Variants in LPAR1 observed in about 807,000 individuals in gnomAD.
LPAR1 encodes the protein lysophosphatidic acid receptor 1.
LPAR1 carries 5 observed loss-of-function variants against 23.8 expected under a neutral mutation model. That is an observed-to-expected ratio of 0.21 (90% CI 0.11 to 0.44). The LOEUF (loss-of-function observed/expected upper bound fraction) is 0.44. Ranked by LOEUF, LPAR1 falls within the 20% of genes least tolerant of loss-of-function variation. The probability of loss-of-function intolerance (pLI) is 0.99; values close to 1 mark genes in which losing one functional copy is unlikely to be tolerated. For missense variants in LPAR1, 311 were observed against 482.8 expected (o/e 0.64, Z 3.33); for synonymous variants, 160 against 164.7 (o/e 0.97, Z 0.22).
intron 5 of LPAR1, among the ~76,000 whole-genome samples, chr9:110,901,230 AAGG>A (rs2088813504): frequency 6.6e-6 from 1 of 152,208 alleles, no homozygotes; most frequent in African/African-American, 2.4e-5. Flanking sequence ...AAGAAGGCAG[AAGG>A]AGAAGTCGTG....
At chr9:110,929,820 A>G (rs775949825) in intron 5 of LPAR1, among the ~76,000 whole-genome samples, 1 of 152,130 alleles carries the variant, frequency 6.6e-6, no homozygotes, top group Non-Finnish European at 1.5e-5. Context: ...GTTTTTTAGT[A>G]TAAGTATATC....
intron 2 of LPAR1, among the ~76,000 whole-genome samples, chr9:110,994,488 T>G (rs1247080435): frequency 1.3e-5 from 2 of 152,224 alleles, no homozygotes; most frequent in African/African-American, 4.8e-5. Context: ...TTTGTGACTA[T>G]GTTGAAGAAT....
At chr9:110,939,130 C>G (rs1341935109) in intron 5 of LPAR1, among the ~76,000 whole-genome samples, 3 of 152,206 alleles carry the variant, frequency 2.0e-5, no homozygotes, top group Non-Finnish European at 2.9e-5. Context: ...CAACCCATGT[C>G]TCCCATGTAA....
intron 5 of LPAR1, among the ~76,000 whole-genome samples, chr9:110,904,266 T>C (rs2090444824): frequency 6.6e-6 from 1 of 152,134 alleles, no homozygotes; most frequent in Non-Finnish European, 1.5e-5. Flanking sequence ...ATGATCCTCC[T>C]CATGAGTTTC....
chr9:110,973,145 T>G (rs1280670882), intron 3 of LPAR1, among the ~76,000 whole-genome samples: 2 of 152,122 alleles, frequency 1.3e-5, no homozygotes, highest in African/African-American at 2.4e-5. Flanking sequence ...TTGTGAATTG[T>G]TTGTTTCTGA....
intron 5 of LPAR1, among the ~76,000 whole-genome samples, chr9:110,940,590 T>C (rs1234426550): frequency 6.6e-6 from 1 of 152,204 alleles, no homozygotes; most frequent in East Asian, 1.9e-4. Flanking sequence ...TATAATTCCA[T>C]TGGGTAATTA....
chr9:110,886,244 ATCCCAGCCAC>A (rs2082345149), intron 5 of LPAR1, among the ~76,000 whole-genome samples: 1 of 151,424 alleles, frequency 6.6e-6, no homozygotes, highest in Non-Finnish European at 1.5e-5. Context: ...CATGCCTGTA[ATCCCAGCCAC>A]TCAGGAGGCT....
chr9:111,027,401 T>G (rs2097712477), intron 2 of LPAR1, among the ~76,000 whole-genome samples: 1 of 152,090 alleles, frequency 6.6e-6, no homozygotes, highest in Non-Finnish European at 1.5e-5. Flanking sequence ...CTCAGGAAGC[T>G]GAAGCAAGAG....
At position 110,955,403 on chromosome 9, in the gene LPAR1, A is replaced by G. The variant is rs561540152; in HGVS notation, c.46-13235T>C. On this transcript the variant is annotated intron_variant, in intron 4 of 5. Coordinates refer to ENST00000683809, the MANE Select transcript of LPAR1 (RefSeq NM_001351411.2). ...AGATGTAACAATTCTAAACATATAC[A>G]CCAAACACAGAAACAACTAGATGTA... Among the ~76,000 whole-genome samples, 39 of 152,304 alleles carry G rather than the reference A, an allele frequency of 2.6e-4. No individual in the cohort carries two copies. The South Asian group carries it at 8.1e-3, about 32-fold the overall frequency.
At chr9:110,972,272 G>A in intron 3 of LPAR1, 52 bp from the exon 4 acceptor site, 2 of 660,672 alleles carry the variant, frequency 3.0e-6, no homozygotes, top group Non-Finnish European at 5.5e-6. Context: ...TAGCATATGG[G>A]TGTGAAGTAC....
intron 2 of LPAR1, among the ~76,000 whole-genome samples, chr9:110,992,035 T>A (rs2096905965): frequency 6.6e-6 from 1 of 151,322 alleles, no homozygotes; most frequent in Non-Finnish European, 1.5e-5. Context: ...AAAAGCAGGA[T>A]CTATAAAGAA....
chr9:110,964,059 TATTTCAGA>T (rs1424855141), intron 4 of LPAR1, among the ~76,000 whole-genome samples: 2 of 152,266 alleles, frequency 1.3e-5, no homozygotes, highest in Non-Finnish European at 2.9e-5. Flanking sequence ...TGTAATCCCT[TATTTCAGA>T]GACTCATAAT....
intron 5 of LPAR1, among the ~76,000 whole-genome samples, chr9:110,904,769 C>T (rs1046846614): frequency 6.6e-6 from 1 of 152,160 alleles, no homozygotes; most frequent in Non-Finnish European, 1.5e-5. Context: ...CTGGACCACA[C>T]CCAGTGATAA....
chr9:110,875,265 G>A lies in LPAR1; in HGVS notation c.*156C>T. ...TAATTTTCAATATATATCAAGTCTTGTGGGGTCCAGGAACAAATACTGTCA... is the reference window on the plus strand; with the variant it reads ...TAATTTTCAATATATATCAAGTCTTATGGGGTCCAGGAACAAATACTGTCA... On this transcript the variant is annotated 3_prime_UTR_variant, in exon 6 of 6. Transcript: ENST00000683809. 1 of 593,032 alleles carries A rather than the reference G, an allele frequency of 1.7e-6. No homozygotes were observed. Among genetic ancestry groups the A allele is most frequent in the Non-Finnish European group, 2.9e-6 (1 of 341,306 alleles). The allele number at this position is 593,032 out of a possible 1,614,324, so 36.7% of individuals were successfully genotyped here. A position where few individuals can be genotyped will look rare whatever the true frequency, so the allele number is the denominator to read the frequency against.
At chr9:110,906,524 A>G (rs1276843432) in intron 5 of LPAR1, among the ~76,000 whole-genome samples, 1 of 152,164 alleles carries the variant, frequency 6.6e-6, no homozygotes, top group Non-Finnish European at 1.5e-5. Context: ...ACACATGCCA[A>G]AATGGTCACC....
intron 5 of LPAR1, among the ~76,000 whole-genome samples, chr9:110,940,555 A>T (rs1434705019): frequency 6.6e-6 from 1 of 152,220 alleles, no homozygotes; most frequent in Non-Finnish European, 1.5e-5. Flanking sequence ...TCAAACGTTA[A>T]CCTGAATATA....
At chr9:110,988,002 T>C (rs61021256) in intron 2 of LPAR1, among the ~76,000 whole-genome samples, 1,971 of 151,292 alleles carry the variant, frequency 0.013, 46 homozygotes, top group African/African-American at 0.045. Flanking sequence ...AAAAGACACC[T>C]AGAGAGGAAC....
At chr9:110,908,239 T>C (rs146007159) in intron 5 of LPAR1, among the ~76,000 whole-genome samples, 1 of 150,714 alleles carries the variant, frequency 6.6e-6, no homozygotes, top group East Asian at 1.9e-4. Flanking sequence ...AATATTTTAC[T>C]TAAATTATTT....
intron 5 of LPAR1, among the ~76,000 whole-genome samples, chr9:110,885,906 T>C (rs981991346): frequency 2.0e-5 from 3 of 151,956 alleles, no homozygotes; most frequent in Admixed American, 6.6e-5. Context: ...CTACTAAAAA[T>C]ACAAAATTAG....
Sources: allele counts gnomAD v4.1 joint callset (sites outside exome capture counted in the v4.1 genomes callset), GRCh38; gene constraint gnomAD v4.1.1; transcripts MANE v1.5; gene names NCBI Gene and HGNC (gene_info 2026-07-23, HGNC 2026-07-21).